The following FRMPD3 variants were observed in gnomAD, a reference collection of about 807,000 sequenced individuals.
The protein encoded by FRMPD3 is FERM and PDZ domain-containing protein 3.
In FRMPD3, 42 loss-of-function variants were observed where a neutral mutation model predicts 97.9. The ratio of observed to expected loss-of-function variants is 0.43; its 90% CI spans 0.34 to 0.55. The LOEUF is 0.55. Ranked by LOEUF, FRMPD3 falls within the 20% of genes least tolerant of loss-of-function variation. FRMPD3 has a pLI of 0.03. For missense variants in FRMPD3, 1,303 were observed against 1,457.7 expected (o/e 0.89, Z 1.73); for synonymous variants, 577 against 581.1 (o/e 0.99, Z 0.10).
intron 4 of FRMPD3, among the ~76,000 whole-genome samples, chrX:107,536,133 C>T (rs1327504527): frequency 6.3e-5 from 7 of 111,515 alleles, no homozygotes; most frequent in African/African-American, 2.3e-4. Flanking sequence ...GGGAGGATCA[C>T]TTGAGGTCAG....
rs370214613 is a variant in FRMPD3, at chrX:107,602,000, C to T, written c.3961C>T (p.Arg1321Trp). ...CACCCAGACACCAGTGCCCAGCCTC[C>T]GGGGGAGGGAAAGGGACAGAGTCCT... ...QATQTPVPSL[R>W]GRERDRVLPS... The change falls in exon 15 of 15, where the codon CGG (arginine) becomes TGG (tryptophan). Residue 1321 changes from arginine to tryptophan, a missense_variant. Arg to Trp is a moderately radical substitution (Grantham distance 101, BLOSUM62 -3). This residue lies in a region of FRMPD3 where 764 missense variants were observed against 820.2 expected (regional missense o/e 0.93). Coordinates refer to ENST00000683843, the MANE Select transcript of FRMPD3 (RefSeq NM_001388459.1). 3.1e-5 allele frequency: 36 copies of T among 1,167,393 alleles called. No individual in the cohort carries two copies. The African/African-American group carries it at 3.9e-4, about 13-fold the overall frequency.
intron 2 of FRMPD3, among the ~76,000 whole-genome samples, chrX:107,527,707 C>T (rs1483887852): frequency 2.7e-5 from 3 of 112,364 alleles, no homozygotes; most frequent in Non-Finnish European, 5.6e-5. Flanking sequence ...AACAGTTTCT[C>T]GCTCAGTCAA....
In FRMPD3 at chrX:107,597,868, G is replaced by T. The variant is rs1449983062; in HGVS notation, c.1989G>T (p.Leu663Phe). ...AGGAAGATGAGACAACTTCTCTGTT[G>T]CCAGCCATTGCTGCCCCACCCCCTG... ...EEEEDETTSL[L>F]PAIAAPPPGF... The change falls in exon 14 of 15, where the codon TTG becomes TTT. Residue 663 changes from leucine (L) to phenylalanine (F), a missense_variant. This residue lies in a region of FRMPD3 where 535 missense variants were observed against 618.6 expected (regional missense o/e 0.86). Transcript: ENST00000683843. 8.3e-7 allele frequency: 1 copy of T among 1,201,458 alleles called. No individual in the cohort carries two copies. Among genetic ancestry groups the T allele is most frequent in the Non-Finnish European group, 1.1e-6 (1 of 891,559 alleles).
At position 107,597,337 on chromosome X, in the gene FRMPD3, C is replaced by A; in HGVS notation, c.1458C>A (p.Ala486=). 1.7e-6 allele frequency: 2 copies of A among 1,205,247 alleles called. No homozygotes were observed. Among genetic ancestry groups the A allele is most frequent in the Non-Finnish European group, 2.2e-6 (2 of 892,600 alleles). Residue 486 remains alanine, a synonymous_variant, in exon 14 of 15, where the codon GCC becomes GCA. Coordinates refer to ENST00000683843, the MANE Select transcript of FRMPD3 (RefSeq NM_001388459.1). ...PMIKADYMHS[A]HRPVTGGHLG... ...TGGGTTTAGATTACATGCACAGCGCCCACCGCCCTGTCACTGGGGGCCACC... is the reference window on the plus strand; with the variant it reads ...TGGGTTTAGATTACATGCACAGCGCACACCGCCCTGTCACTGGGGGCCACC...
At chrX:107,509,783 T>TAAC (rs1922123195) in intron 1 of FRMPD3, among the ~76,000 whole-genome samples, 1 of 110,864 alleles carries the variant, frequency 9.0e-6, no homozygotes, top group Non-Finnish European at 1.9e-5. Context: ...TGGTACCAGG[T>TAAC]AACACATGGT....
chrX:107,461,821 G>A (rs752490907), intron 1 of FRMPD3, among the ~76,000 whole-genome samples: 11 of 87,006 alleles, frequency 1.3e-4, no homozygotes, highest in Middle Eastern at 5.7e-3. Flanking sequence ...ATATACGTGT[G>A]TGTGTGTCTG....
chrX:107,555,231 A>AT (rs1300855868), intron 8 of FRMPD3: 1 of 112,245 alleles, frequency 8.9e-6, no homozygotes, highest in Non-Finnish European at 1.9e-5. Context: ...AGCATGAGTG[A>AT]TTTTTTATGG....
intron 4 of FRMPD3, among the ~76,000 whole-genome samples, chrX:107,534,211 G>A (rs1016127276): frequency 8.9e-5 from 10 of 111,985 alleles, no homozygotes; most frequent in Non-Finnish European, 1.5e-4. Flanking sequence ...TCAAGAGTTG[G>A]ATTTAGAAAG....
intron 13 of FRMPD3, among the ~76,000 whole-genome samples, chrX:107,590,836 A>G (rs1231492483): frequency 8.9e-6 from 1 of 112,653 alleles, no homozygotes; most frequent in Non-Finnish European, 1.9e-5. Flanking sequence ...GTATTCATGA[A>G]AGACATTTGT....
In FRMPD3 at chrX:107,599,580, G is replaced by C. The variant is rs767375411; in HGVS notation, c.2264-723G>C. Among the ~76,000 whole-genome samples, 19 of 112,190 alleles carry C rather than the reference G, an allele frequency of 1.7e-4. No individual in the cohort carries two copies. In the South Asian group the frequency reaches 7.1e-3, roughly 42 times the overall value. ...AGGCGGGCCTGGCCAGATGAGGAGG[G>C]ATAGAGAGAGACCTCTCTTTGCCAG... On this transcript the variant is annotated intron_variant, in intron 14 of 14. Transcript: ENST00000683843.
intron 1 of FRMPD3, among the ~76,000 whole-genome samples, chrX:107,517,231 G>T (rs1057492910): frequency 1.8e-5 from 2 of 111,487 alleles, no homozygotes; most frequent in African/African-American, 6.5e-5. Context: ...TCTCTGTTTT[G>T]GTACCAGTAC....
Position 107,506,592 on chromosome X carries a change from T to A in FRMPD3, c.-7-19990T>A, listed in dbSNP as rs751610121. 5.3e-5 allele frequency among the ~76,000 whole-genome samples: 6 copies of A among 112,678 alleles called. No individual in the cohort carries two copies. In the South Asian group the frequency reaches 1.5e-3, roughly 28 times the overall value. The stretch of plus-strand genomic sequence containing the variant: ...GCCTGGCACTTAGTAAGTAAGCAAG[T>A]GGCAGCTGGATTGTCTGCATATCTA... On this transcript the variant is annotated intron_variant, in intron 1 of 14. Transcript: ENST00000683843.
At position 107,565,934 on chromosome X, in the gene FRMPD3, G is replaced by A. The variant is rs144316777; in HGVS notation, c.1296+868G>A. 9.0e-4 allele frequency among the ~76,000 whole-genome samples: 101 copies of A among 111,871 alleles called. 1 individual carries two copies. In the East Asian group the frequency reaches 0.02, roughly 22 times the overall value. The stretch of plus-strand genomic sequence containing the variant: ...ATAGGGACACGCACCTTGAGTCATT[G>A]AAGAGAGGGTGTCTGAGCATGTGAA... On this transcript the variant is annotated intron_variant, in intron 12 of 14. Coordinates refer to ENST00000683843, the MANE Select transcript of FRMPD3 (RefSeq NM_001388459.1).
chrX:107,534,718 C>A (rs1923141009), intron 4 of FRMPD3, among the ~76,000 whole-genome samples: 1 of 111,415 alleles, frequency 9.0e-6, no homozygotes, highest in Non-Finnish European at 1.9e-5. Flanking sequence ...CACACACACA[C>A]AATACACTCA....
intron 1 of FRMPD3, among the ~76,000 whole-genome samples, chrX:107,497,591 G>A (rs1242197782): frequency 8.9e-6 from 1 of 112,101 alleles, no homozygotes; most frequent in Admixed American, 9.4e-5. Context: ...CTGGAGTGGC[G>A]ATGGGCAACC....
Position 107,576,420 on chromosome X carries a change from C to A in FRMPD3, c.1402C>A (p.Pro468Thr). The change falls in exon 13 of 15, where the codon CCT becomes ACT. Residue 468 changes from proline to threonine, a missense_variant. By Grantham distance (38) the Pro-to-Thr change is conservative. This residue lies in a region of FRMPD3 where 535 missense variants were observed against 618.6 expected (regional missense o/e 0.86). Coordinates refer to ENST00000683843, the MANE Select transcript of FRMPD3 (RefSeq NM_001388459.1). ...TTCCAGGAAGATGGTCTTCTCCAGG[C>A]CTGCCAGCCAGCCACTTCCACCTCC... ...LDSRKMVFSRPASQPLPPPMI... is the reference protein window; with the variant it reads ...LDSRKMVFSRTASQPLPPPMI... The A allele has an allele frequency of 2.5e-6, 3 of 1,210,795 alleles. No individual in the cohort carries two copies. Among genetic ancestry groups the A allele is most frequent in the Non-Finnish European group, 3.4e-6 (3 of 895,351 alleles).
Position 107,499,869 on chromosome X carries a change from C to T in FRMPD3, c.-7-26713C>T, listed in dbSNP as rs192652078. Among the ~76,000 whole-genome samples, 7 of 111,340 alleles carry T rather than the reference C, an allele frequency of 6.3e-5. No homozygotes were observed. In the East Asian group the frequency reaches 2.0e-3, roughly 32 times the overall value. The stretch of plus-strand genomic sequence containing the variant: ...CCTCTGGGAACCTATTCCTCCCTCC[C>T]AACTCTGGGCCTGCCTCCACAAGCC... On this transcript the variant is annotated intron_variant, in intron 1 of 14. Transcript: ENST00000683843.
At chrX:107,591,210 T>G (rs112807713) in intron 13 of FRMPD3, among the ~76,000 whole-genome samples, 3,078 of 107,841 alleles carry the variant, frequency 0.029, 119 homozygotes, top group African/African-American at 0.1. Flanking sequence ...CAGGCTGGAG[T>G]GCAATGGTGC....
chrX:107,490,589 C>T (rs1392504590), intron 1 of FRMPD3, among the ~76,000 whole-genome samples: 4 of 108,182 alleles, frequency 3.7e-5, no homozygotes, highest in African/African-American at 6.7e-5. Context: ...ATTTTATTCT[C>T]TTTGAAGCAA....
Sources: allele counts gnomAD v4.1 joint callset (sites outside exome capture counted in the v4.1 genomes callset), GRCh38; gene constraint gnomAD v4.1.1; regional missense constraint gnomAD v4.1.1; transcripts MANE v1.5; gene names NCBI Gene and HGNC (gene_info 2026-07-23, HGNC 2026-07-21).